The following GRM5 variants were observed in gnomAD, a reference collection of about 807,000 sequenced individuals.
The protein encoded by GRM5 is metabotropic glutamate receptor 5.
A neutral mutation model predicts 83.1 loss-of-function variants in GRM5; 19 were observed. That is an observed-to-expected ratio of 0.23 (90% confidence interval 0.16 to 0.34). GRM5 has a LOEUF of 0.34. Among genes scored for constraint, GRM5 ranks in the 10% least tolerant of loss-of-function variants. GRM5 has a pLI of 1.00. For missense variants in GRM5, 1,160 were observed against 1,588.3 expected (o/e 0.73, Z 4.58); for synonymous variants, 675 against 633.6 (o/e 1.07, Z -0.98).
rs1491126572 is a variant in GRM5, at chr11:88,853,712, AAT to A, written c.662-3559_662-3558del. On this transcript the variant is annotated intron_variant, in intron 2 of 9. Coordinates refer to ENST00000305447, the MANE Select transcript of GRM5 (RefSeq NM_001143831.3). ...TATGAAAATATACATTTAATAAAAA[AAT>A]AAACTAGCATACTTAAAAGTCATTG... Among the ~76,000 whole-genome samples the A allele has an allele frequency of 5.0e-3, 637 of 127,114 alleles. 1 individual carries two copies. Among genetic ancestry groups the A allele is most frequent in the African/African-American group, 0.016 (562 of 34,586 alleles). The allele number at this position is 127,114 out of a possible 152,430, so 83.4% of individuals were successfully genotyped here.
chr11:89,051,583 G>A (rs1565352707), intron 1 of GRM5, among the ~76,000 whole-genome samples: 1 of 150,802 alleles, frequency 6.6e-6, no homozygotes, highest in Non-Finnish European at 1.5e-5. Context: ...GGTGGTGCAC[G>A]CCTGTAATCC....
intron 2 of GRM5, among the ~76,000 whole-genome samples, chr11:88,879,339 C>A (rs1944912083): frequency 6.6e-6 from 1 of 151,680 alleles, no homozygotes; most frequent in East Asian, 1.9e-4. Flanking sequence ...TAGTACTCAA[C>A]AACAAGAAAA....
intron 3 of GRM5, among the ~76,000 whole-genome samples, chr11:88,829,840 T>C (rs556712623): frequency 6.6e-6 from 1 of 152,226 alleles, no homozygotes; most frequent in African/African-American, 2.4e-5. Flanking sequence ...AAATATGTAT[T>C]TGATTATGTA....
At chr11:89,020,536 A>G (rs940501635) in intron 2 of GRM5, among the ~76,000 whole-genome samples, 1 of 152,202 alleles carries the variant, frequency 6.6e-6, no homozygotes, top group African/African-American at 2.4e-5. Context: ...TTAGAGGAGT[A>G]AAAACAAGCC....
intron 2 of GRM5, among the ~76,000 whole-genome samples, chr11:88,863,956 A>T (rs1290400418): frequency 6.6e-6 from 1 of 150,624 alleles, no homozygotes; most frequent in Non-Finnish European, 1.5e-5. Context: ...TATAATAGAG[A>T]CTCCCTTTTT....
intron 8 of GRM5, among the ~76,000 whole-genome samples, chr11:88,532,111 C>G (rs763139525): frequency 2.0e-5 from 3 of 152,090 alleles, no homozygotes; most frequent in Non-Finnish European, 4.4e-5. Flanking sequence ...TTGCATATTT[C>G]ACATATGTCT....
chr11:88,509,478 G>A lies in GRM5; in HGVS notation c.2753C>T (p.Ala918Val). The A allele has an allele frequency of 1.2e-6, 2 of 1,612,082 alleles. No individual in the cohort carries two copies. Among genetic ancestry groups the A allele is most frequent in the Non-Finnish European group, 1.7e-6 (2 of 1,179,514 alleles). The change falls in exon 10 of 10, where the codon GCC becomes GTC. Residue 918 changes from alanine (A) to valine (V), a missense_variant. Around this residue, in one of 9 missense-constraint regions of GRM5, gnomAD observed 562 missense variants for 532.4 expected, o/e 1.06. Transcript: ENST00000305447. ...CCCCCGGCTGCTCTTCTCATTCTGG[G>A]CCCACGTGACGGATTTTCCATTGGA... ...SSSNGKSVTW[A>V]QNEKSSRGQH...
chr11:88,535,966 A>G (rs974436485), intron 8 of GRM5, among the ~76,000 whole-genome samples: 1 of 152,242 alleles, frequency 6.6e-6, no homozygotes. Flanking sequence ...GGTAAAACAA[A>G]GTATTATTTT....
intron 2 of GRM5, among the ~76,000 whole-genome samples, chr11:89,043,039 A>G (rs1941567145): frequency 6.6e-6 from 1 of 152,236 alleles, no homozygotes; most frequent in Non-Finnish European, 1.5e-5. Context: ...TAGCGTGAAC[A>G]GGATTTTACA....
At chr11:88,762,684 T>A (rs1328315134) in intron 3 of GRM5, among the ~76,000 whole-genome samples, 1 of 152,004 alleles carries the variant, frequency 6.6e-6, no homozygotes, top group African/African-American at 2.4e-5. Context: ...ACTTGGTATA[T>A]ATTCAAATGA....
intron 2 of GRM5, chr11:88,911,810 A>G: frequency 3.3e-6 from 1 of 305,094 alleles, no homozygotes; most frequent in Non-Finnish European, 6.9e-6. Flanking sequence ...CTTTAAATAC[A>G]GTGGTTTTAC....
chr11:88,608,157 T>C (rs1938211569), intron 4 of GRM5, among the ~76,000 whole-genome samples: 2 of 152,210 alleles, frequency 1.3e-5, no homozygotes, highest in Non-Finnish European at 2.9e-5. Flanking sequence ...CCTAGGCTTC[T>C]GATGTTTTTT....
At chr11:89,031,940 G>T (rs1007967727) in intron 2 of GRM5, among the ~76,000 whole-genome samples, 1 of 151,818 alleles carries the variant, frequency 6.6e-6, no homozygotes, top group Non-Finnish European at 1.5e-5. Context: ...CCATGGCTAG[G>T]CCAAAACAAA....
intron 2 of GRM5, among the ~76,000 whole-genome samples, chr11:88,952,623 A>C (rs1261603636): frequency 6.1e-5 from 2 of 32,812 alleles, no homozygotes; most frequent in Non-Finnish European, 1.3e-4. Context: ...ATGCAGAAAG[A>C]GAGCTTTTTT....
In GRM5 at chr11:88,827,959, TTTAAATGTGA is replaced by T. The variant is rs1426420359; in HGVS notation, c.911+21937_911+21946del. ...TATCAATGGTAGGGTATGTTTCATG[TTTAAATGTGA>T]TGGTCAGAGATGTTTCAGTGAGAAG... On this transcript the variant is annotated intron_variant, in intron 3 of 9. Transcript: ENST00000305447. Among the ~76,000 whole-genome samples the T allele has an allele frequency of 2.6e-5, 4 of 152,118 alleles. No homozygotes were observed. The East Asian group carries it at 7.7e-4, about 29-fold the overall frequency.
intron 2 of GRM5, among the ~76,000 whole-genome samples, chr11:89,018,903 G>C (rs899375874): frequency 1.3e-5 from 2 of 152,088 alleles, no homozygotes; most frequent in African/African-American, 4.8e-5. Context: ...CTAACATCTT[G>C]CTTTAATATG....
intron 8 of GRM5, among the ~76,000 whole-genome samples, chr11:88,530,408 C>G (rs1400767900): frequency 6.6e-6 from 1 of 151,926 alleles, no homozygotes; most frequent in Non-Finnish European, 1.5e-5. Flanking sequence ...ATGACTTATT[C>G]TGAAATAAGT....
chr11:88,769,687 T>C (rs779481739), intron 3 of GRM5, among the ~76,000 whole-genome samples: 39 of 152,064 alleles, frequency 2.6e-4, no homozygotes, highest in Non-Finnish European at 1.2e-4. Context: ...ATTGACAATT[T>C]GAGCAGCAAA....
intron 4 of GRM5, among the ~76,000 whole-genome samples, chr11:88,641,912 G>A (rs562796405): frequency 6.6e-5 from 10 of 152,154 alleles, no homozygotes; most frequent in African/African-American, 2.4e-4. Flanking sequence ...CCATTCTGGG[G>A]TCTGGATGAT....
Sources: gnomAD v4.1 joint callset for allele counts (sites outside exome capture counted in the v4.1 genomes callset) on GRCh38, gnomAD v4.1.1 for gene constraint, gnomAD v4.1.1 regional missense constraint, MANE v1.5 for transcripts, NCBI Gene and HGNC (gene_info 2026-07-23, HGNC 2026-07-21) for gene names.